The following TOX2 variants were observed in gnomAD, a reference collection of about 807,000 sequenced individuals.
The protein encoded by TOX2 is granulosa cell HMG box 1.
In TOX2, 15 loss-of-function variants were observed where a neutral mutation model predicts 47.4. The ratio of observed to expected loss-of-function variants is 0.32; its 90% CI spans 0.21 to 0.49. TOX2 has a LOEUF of 0.49. TOX2 is among the 20% of genes least tolerant of loss of function. The pLI is 0.99. For missense variants in TOX2, 622 were observed against 673.1 expected (o/e 0.92, Z 0.84); for synonymous variants, 290 against 296.6 (o/e 0.98, Z 0.23).
intron 1 of TOX2, among the ~76,000 whole-genome samples, chr20:43,939,425 G>A (rs1226817303): frequency 6.6e-6 from 1 of 152,168 alleles, no homozygotes; most frequent in Non-Finnish European, 1.5e-5. Context: ...GCTGAAGTTA[G>A]CACAAAGTCA....
chr20:43,967,376 T>C (rs143304312), intron 1 of TOX2, among the ~76,000 whole-genome samples: 22 of 152,294 alleles, frequency 1.4e-4, no homozygotes, highest in African/African-American at 4.6e-4. Flanking sequence ...CATGACATTT[T>C]CCAGAGAAAG....
intron 3 of TOX2, among the ~76,000 whole-genome samples, chr20:44,039,530 C>G (rs1482897947): frequency 2.6e-5 from 4 of 152,120 alleles, no homozygotes; most frequent in Non-Finnish European, 5.9e-5. Context: ...CTTGAGATAG[C>G]CCTGAAAACA....
At position 43,955,219 on chromosome 20, in the gene TOX2, C is replaced by T. The variant is rs1046640890; in HGVS notation, c.100-18148C>T. Reference sequence around the variant, plus strand: ...TGCACTTCATTACTTTTCTGAAATTCAAACAAATTCTGAAACTGCACGAGT... The same window carrying T: ...TGCACTTCATTACTTTTCTGAAATTTAAACAAATTCTGAAACTGCACGAGT... On this transcript the variant is annotated intron_variant, in intron 1 of 8. Coordinates refer to ENST00000341197, the MANE Select transcript of TOX2 (RefSeq NM_001098797.2). 5 of 985,266 alleles carry T rather than the reference C, an allele frequency of 5.1e-6. No individual in the cohort carries two copies. The African/African-American group carries it at 7.0e-5, about 14-fold the overall frequency. The allele number at this position is 985,266 out of a possible 1,614,324, so 61.0% of individuals were successfully genotyped here. A position where few individuals can be genotyped will look rare whatever the true frequency, so the allele number is the denominator to read the frequency against.
chr20:43,976,775 C>T lies in TOX2; in HGVS notation c.165+3343C>T, dbSNP rs1004446526. Among the ~76,000 whole-genome samples, 6 of 134,738 alleles carry T rather than the reference C, an allele frequency of 4.5e-5. No homozygotes were observed. In the East Asian group the frequency reaches 8.8e-4, roughly 20 times the overall value. The allele number at this position is 134,738 out of a possible 152,430, so 88.4% of individuals were successfully genotyped here. Reference sequence around the variant, plus strand: ...GTGCTTCTTGAACTCACAACGCGAGCGCGCGCGCACACACACACACACACA... The same window carrying T: ...GTGCTTCTTGAACTCACAACGCGAGTGCGCGCGCACACACACACACACACA... On this transcript the variant is annotated intron_variant, in intron 2 of 8. Transcript: ENST00000341197.
chr20:44,053,609 C>CTATATATACACACACATATATATACAT (rs148964692), intron 4 of TOX2, among the ~76,000 whole-genome samples: 12 of 147,910 alleles, frequency 8.1e-5, no homozygotes, highest in Non-Finnish European at 1.0e-4. Flanking sequence ...CATATATATA[C>CTATATATACACACACATATATATACAT]ATATACACAC....
chr20:43,957,418 G>C (rs759811867), intron 1 of TOX2, among the ~76,000 whole-genome samples: 6 of 152,252 alleles, frequency 3.9e-5, no homozygotes, highest in Non-Finnish European at 8.8e-5. Context: ...GCCACTTTCT[G>C]TGTGAGCTAT....
chr20:44,017,983 C>G (rs181148720), intron 3 of TOX2, among the ~76,000 whole-genome samples: 2 of 152,304 alleles, frequency 1.3e-5, no homozygotes, highest in Non-Finnish European at 2.9e-5. Context: ...TTGAGCTATT[C>G]ATATTCATAA....
intron 1 of TOX2, chr20:43,945,914 T>G: frequency 6.2e-7 from 1 of 1,612,880 alleles, no homozygotes; most frequent in Non-Finnish European, 8.5e-7. Context: ...CTGCTGATTA[T>G]GCAGCAGACT....
At chr20:43,994,025 G>A (rs1339509967) in intron 2 of TOX2, among the ~76,000 whole-genome samples, 2 of 152,010 alleles carry the variant, frequency 1.3e-5, no homozygotes, top group Non-Finnish European at 1.5e-5. Context: ...GGTGGCACAC[G>A]CCTGTAGTCC....
intron 3 of TOX2, chr20:44,007,495 G>A (rs1348958154): frequency 6.6e-6 from 1 of 152,328 alleles, no homozygotes; most frequent in Non-Finnish European, 1.5e-5. Context: ...GATTGTGCCT[G>A]TGAAAAGGCA....
rs774141092 is a variant in TOX2, at chr20:44,006,672, C to T, written c.291C>T (p.His97=). The change falls in exon 3 of 9, where the codon CAC becomes CAT. Residue 97 remains histidine (H), a synonymous_variant. Coordinates refer to ENST00000341197, the MANE Select transcript of TOX2 (RefSeq NM_001098797.2). ...DHEASYHSLC[H]GLTPNGLLPA... is the part of the protein sequence containing the mutation. ...AAGCCAGCTACCACTCGCTGTGCCACGGCCTCACCCCCAACGGTCTGCTCC... is the reference window on the plus strand; with the variant it reads ...AAGCCAGCTACCACTCGCTGTGCCATGGCCTCACCCCCAACGGTCTGCTCC... The T allele has an allele frequency of 2.8e-5, 45 of 1,614,146 alleles. No homozygotes were observed. The Admixed American group carries it at 3.2e-4, about 11-fold the overall frequency.
At chr20:44,029,856 A>G (rs931782121) in intron 3 of TOX2, among the ~76,000 whole-genome samples, 1 of 151,976 alleles carries the variant, frequency 6.6e-6, no homozygotes, top group African/African-American at 2.4e-5. Context: ...TGTGACTATA[A>G]AACTCCTCTG....
chr20:43,965,117 G>A (rs1457649234), intron 1 of TOX2, among the ~76,000 whole-genome samples: 1 of 152,162 alleles, frequency 6.6e-6, no homozygotes, highest in Admixed American at 6.5e-5. Context: ...ATCTTTTCAG[G>A]GTTTGGGGAA....
At chr20:44,011,203 C>T (rs1172978142) in intron 3 of TOX2, among the ~76,000 whole-genome samples, 1 of 152,146 alleles carries the variant, frequency 6.6e-6, no homozygotes, top group East Asian at 1.9e-4. Context: ...AAATACAGTA[C>T]CATTTACAGG....
intron 6 of TOX2, 87 bp downstream of exon 6, chr20:44,064,944 C>A: frequency 7.9e-7 from 1 of 1,271,724 alleles, no homozygotes; most frequent in Non-Finnish European, 1.1e-6. Flanking sequence ...TGGGAAGGGC[C>A]GGCACCCCAG....
intron 2 of TOX2, among the ~76,000 whole-genome samples, chr20:43,985,977 A>G (rs2070256949): frequency 6.6e-6 from 1 of 152,170 alleles, no homozygotes; most frequent in East Asian, 1.9e-4. Context: ...GTTGCTGTGC[A>G]TTGGGAGGTG....
chr20:44,022,329 A>G lies in TOX2; in HGVS notation c.411+15537A>G, dbSNP rs185447328. Among the ~76,000 whole-genome samples the G allele has an allele frequency of 1.9e-4, 29 of 152,246 alleles. No individual in the cohort carries two copies. In the East Asian group the frequency reaches 5.0e-3, roughly 26 times the overall value. On this transcript the variant is annotated intron_variant, in intron 3 of 8. Coordinates refer to ENST00000341197, the MANE Select transcript of TOX2 (RefSeq NM_001098797.2). ...GTGTTTTTTTTTGTGTGTGTAAAAT[A>G]GATGTATTATTCATTCTTACCTTGT...
At chr20:43,919,018 A>G (rs6073252) in intron 1 of TOX2, among the ~76,000 whole-genome samples, 40,065 of 152,096 alleles carry the variant, frequency 0.26, 5,625 homozygotes, top group East Asian at 0.47. Flanking sequence ...TCTCCGTTCC[A>G]GCATCCTTCG....
Position 44,069,078 on chromosome 20 carries a change from G to A in TOX2, c.*392G>A, listed in dbSNP as rs1162751891. On this transcript the variant is annotated 3_prime_UTR_variant, in exon 9 of 9. Coordinates refer to ENST00000341197, the MANE Select transcript of TOX2 (RefSeq NM_001098797.2). ...CCCCAGATGCATGGGCCAGAGGGCC[G>A]GCCCCCGGCATAGATGTGCACATCG... 1 of 386,574 alleles carries A rather than the reference G, an allele frequency of 2.6e-6. No individual in the cohort carries two copies. The highest frequency in any genetic ancestry group is 2.0e-5 in the South Asian group (1 of 48,984). 23.9% of individuals were successfully genotyped at this position (386,574 alleles called of 1,614,324 possible). A position where few individuals can be genotyped will look rare whatever the true frequency, so the allele number is the denominator to read the frequency against.
Sources: allele counts gnomAD v4.1 joint callset (sites outside exome capture counted in the v4.1 genomes callset), GRCh38; gene constraint gnomAD v4.1.1; transcripts MANE v1.5; gene names NCBI Gene and HGNC (gene_info 2026-07-23, HGNC 2026-07-21).